The following P2RX5 variants were observed in gnomAD, a reference collection of about 807,000 sequenced individuals.
P2RX5 encodes the protein P2X purinoceptor 5.
Under a neutral mutation model 54.1 loss-of-function variants are expected in P2RX5, and 46 were observed. The observed-to-expected ratio is 0.85, with a 90% CI of 0.67 to 1.09. The LOEUF (loss-of-function observed/expected upper bound fraction) is 1.09, where lower values mean the gene tolerates loss of function less well. P2RX5 is among the 50% of genes least tolerant of loss of function. The probability of loss-of-function intolerance (pLI) is 0.00; values close to 1 mark genes in which losing one functional copy is unlikely to be tolerated. For missense variants in P2RX5, 566 were observed against 549.8 expected (o/e 1.03, Z -0.29); for synonymous variants, 226 against 226.4 (o/e 1.00, Z 0.02).
At chr17:3,699,095 C>CACACACACACACACA (rs60173844), upstream of P2RX5, among the ~76,000 whole-genome samples, 303 of 100,232 alleles carry the variant, frequency 3.0e-3, 9 homozygotes, top group Non-Finnish European at 3.9e-3. Flanking sequence ...ACACACACAC[C>CACACACACACACACA]TATATATATA....
intron 3 of P2RX5, 33 bp from the exon 4 acceptor site, chr17:3,690,713 G>A: frequency 4.4e-6 from 7 of 1,600,688 alleles, no homozygotes; most frequent in Non-Finnish European, 6.0e-6. Context: ...TGGATGGGGG[G>A]GTTCCCCCAG....
upstream of P2RX5, among the ~76,000 whole-genome samples, chr17:3,698,525 C>T (rs1198951543): frequency 6.6e-6 from 1 of 152,130 alleles, no homozygotes; most frequent in Non-Finnish European, 1.5e-5. Context: ...AGAGCAGAGC[C>T]TACCACTAGC....
the P2RX5 span, among the ~76,000 whole-genome samples, chr17:3,711,906 A>G: frequency 1.3e-5 from 2 of 150,764 alleles, no homozygotes; most frequent in African/African-American, 4.9e-5. Flanking sequence ...GTCGCACTTA[A>G]AAGTGTCTTC....
At chr17:3,693,885 G>A (rs2050686159) in intron 1 of P2RX5, among the ~76,000 whole-genome samples, 1 of 151,156 alleles carries the variant, frequency 6.6e-6, no homozygotes, top group African/African-American at 2.4e-5. Flanking sequence ...GGAGTGCACT[G>A]GTGCGAGTAG....
the P2RX5 span, among the ~76,000 whole-genome samples, chr17:3,709,801 C>T: frequency 6.6e-6 from 1 of 151,966 alleles, no homozygotes; most frequent in Non-Finnish European, 1.5e-5. Context: ...TCCAGCTACT[C>T]GGGGGGCTGA....
chr17:3,690,236 T>C, intron 5 of P2RX5, 86 bp from the exon 6 acceptor site: 1 of 1,341,020 alleles, frequency 7.5e-7, no homozygotes, highest in Non-Finnish European at 1.1e-6. Flanking sequence ...GGCCTGTTCC[T>C]TGGGTCCCCT....
chr17:3,690,923 A>G, intron 3 of P2RX5, 33 bp downstream of exon 3: 2 of 1,588,084 alleles, frequency 1.3e-6, no homozygotes, highest in Non-Finnish European at 1.7e-6. Context: ...TGGCTCTCCC[A>G]CCCCCACGCC....
the P2RX5 span, among the ~76,000 whole-genome samples, chr17:3,722,650 G>A: frequency 6.6e-6 from 1 of 152,156 alleles, no homozygotes; most frequent in South Asian, 2.1e-4. Flanking sequence ...AGAATAACCC[G>A]ATTATAAAAG....
chr17:3,673,296 T>G lies in P2RX5; in HGVS notation c.*572A>C. The stretch of plus-strand genomic sequence containing the variant: ...TCAGAGAATACATATCTTGGGCAGG[T>G]CCCAGAAAGCGTCTGCCATCTCCCC... On this transcript the variant is annotated 3_prime_UTR_variant, in exon 12 of 12. Transcript: ENST00000225328. 1.0e-6 allele frequency: 1 copy of G among 992,590 alleles called. No individual in the cohort carries two copies. Among genetic ancestry groups the G allele is most frequent in the South Asian group, 4.5e-5 (1 of 22,288 alleles). 61.5% of individuals were successfully genotyped at this position (992,590 alleles called of 1,614,324 possible).
At chr17:3,723,808 C>T in the P2RX5 span, 1 of 1,582,216 alleles carries the variant, frequency 6.3e-7, no homozygotes, top group Non-Finnish European at 8.6e-7. Context: ...CCGTCCCGTC[C>T]CGGCCCCGGC....
chr17:3,697,804 C>A (rs2050786947), upstream of P2RX5, among the ~76,000 whole-genome samples: 2 of 152,140 alleles, frequency 1.3e-5, no homozygotes, highest in African/African-American at 4.8e-5. Flanking sequence ...TATTATTGCC[C>A]ACCCAAAGTA....
At chr17:3,711,370 C>CTTTTTTTTTTTTT in the P2RX5 span, among the ~76,000 whole-genome samples, 236 of 63,098 alleles carry the variant, frequency 3.7e-3, 51 homozygotes, top group African/African-American at 8.7e-3. Context: ...AGCACTCATT[C>CTTTTTTTTTTTTT]TTTTTTTTTT....
the P2RX5 span, chr17:3,723,700 G>A: frequency 1.4e-4 from 226 of 1,601,478 alleles, 1 homozygote; most frequent in Middle Eastern, 2.8e-3. Flanking sequence ...GAACCGAACT[G>A]TACGCACAAG....
At chr17:3,700,533 GAA>G (rs35207117), upstream of P2RX5, among the ~76,000 whole-genome samples, 78 of 135,840 alleles carry the variant, frequency 5.7e-4, no homozygotes, top group East Asian at 2.6e-3. Context: ...ACTCTGGCTC[GAA>G]AAAAAAAAAA....
At chr17:3,699,093 A>ACC (rs869185750), upstream of P2RX5, among the ~76,000 whole-genome samples, 5 of 59,602 alleles carry the variant, frequency 8.4e-5, no homozygotes, top group African/African-American at 2.4e-4. Context: ...ACACACACAC[A>ACC]CCTATATATA....
chr17:3,673,673 G>A lies in P2RX5; in HGVS notation c.*195C>T. On this transcript the variant is annotated 3_prime_UTR_variant, in exon 12 of 12. Coordinates refer to ENST00000225328, the MANE Select transcript of P2RX5 (RefSeq NM_002561.4). ...TGGGGCAAAAAGACAGCCATGATGG[G>A]TCCGTCCTGATGACCCCAGCATCAG... is the stretch of plus-strand genomic sequence containing the variant. 2.0e-6 allele frequency: 3 copies of A among 1,501,436 alleles called. No individual in the cohort carries two copies. Among genetic ancestry groups the A allele is most frequent in the Non-Finnish European group, 2.7e-6 (3 of 1,125,846 alleles). 93.0% of individuals were successfully genotyped at this position (1,501,436 alleles called of 1,614,324 possible).
chr17:3,714,083 GCA>G, the P2RX5 span, among the ~76,000 whole-genome samples: 2 of 144,258 alleles, frequency 1.4e-5, no homozygotes, highest in African/African-American at 5.1e-5. Context: ...ACCTGCCACC[GCA>G]CCCGGCTAAT....
chr17:3,703,026 T>A, the P2RX5 span, among the ~76,000 whole-genome samples: 2 of 152,110 alleles, frequency 1.3e-5, no homozygotes, highest in African/African-American at 4.8e-5. Context: ...AGCCCTCCCC[T>A]CCTCCAAAGA....
the P2RX5 span, among the ~76,000 whole-genome samples, chr17:3,709,515 G>A: frequency 5.6e-4 from 85 of 152,278 alleles, no homozygotes; most frequent in African/African-American, 1.9e-3. Flanking sequence ...CAGGCACAGT[G>A]GCACATGCCC....
Sources: allele counts gnomAD v4.1 joint callset (sites outside exome capture counted in the v4.1 genomes callset), GRCh38; gene constraint gnomAD v4.1.1; transcripts MANE v1.5; gene names NCBI Gene and HGNC (gene_info 2026-07-23, HGNC 2026-07-21).